Variants in NCAM1 observed in about 807,000 individuals in gnomAD.
NCAM1 encodes neural cell adhesion molecule 1.
A neutral mutation model predicts 109.8 loss-of-function variants in NCAM1; 14 were observed. The ratio of observed to expected loss-of-function variants is 0.13; its 90% CI spans 0.08 to 0.20. The LOEUF (loss-of-function observed/expected upper bound fraction) is 0.20, where lower values mean the gene tolerates loss of function less well. Among genes scored for constraint, NCAM1 ranks in the 10% least tolerant of loss-of-function variants. The pLI, the probability that NCAM1 is intolerant of heterozygous loss-of-function variation, is 1.00. For missense variants in NCAM1, 774 were observed against 1,109.9 expected (o/e 0.70, Z 4.30); for synonymous variants, 418 against 442.9 (o/e 0.94, Z 0.70).
At chr11:113,214,258 G>A (rs782727905) in intron 7 of NCAM1, 111 bp from the exon 8 acceptor site, 195 of 1,136,378 alleles carry the variant, frequency 1.7e-4, no homozygotes, top group Non-Finnish European at 2.3e-4. Flanking sequence ...ACCTAGACTA[G>A]GGTCTTGTAC....
At chr11:113,197,227 A>T in intron 1 of NCAM1, 2 of 244,598 alleles carry the variant, frequency 8.2e-6, no homozygotes, top group Admixed American at 3.9e-5. Flanking sequence ...GTGGGGACAC[A>T]GAGCCAAACT....
At chr11:113,253,354 G>A (rs1276331622) in intron 15 of NCAM1, among the ~76,000 whole-genome samples, 1 of 152,126 alleles carries the variant, frequency 6.6e-6, no homozygotes, top group East Asian at 1.9e-4. Context: ...CCTAAAATTG[G>A]CTGAAAGTCG....
At chr11:112,978,903 A>C (rs1951076222) in intron 1 of NCAM1, among the ~76,000 whole-genome samples, 1 of 151,834 alleles carries the variant, frequency 6.6e-6, no homozygotes, top group Non-Finnish European at 1.5e-5. Flanking sequence ...ACTGAGTTAA[A>C]AGGTTTCATA....
Position 113,276,705 on chromosome 11 carries a change from C to T in NCAM1, c.*1318C>T, listed in dbSNP as rs541042259. 1.3e-5 allele frequency: 2 copies of T among 152,556 alleles called. No homozygotes were observed. The highest frequency in any genetic ancestry group is 1.9e-4 in the East Asian group (1 of 5,172). 9.5% of individuals were successfully genotyped at this position (152,556 alleles called of 1,614,324 possible). A position where few individuals can be genotyped will look rare whatever the true frequency, so the allele number is the denominator to read the frequency against. ...GTTGAAGTAAAGTAACATCGGCCTTCTGTTCACTTAGGCAGCATTTATAGA... is the reference window on the plus strand; with the variant it reads ...GTTGAAGTAAAGTAACATCGGCCTTTTGTTCACTTAGGCAGCATTTATAGA... On this transcript the variant is annotated 3_prime_UTR_variant, in exon 20 of 20. Transcript: ENST00000316851.
intron 1 of NCAM1, among the ~76,000 whole-genome samples, chr11:112,990,693 G>C (rs1951437365): frequency 1.3e-5 from 2 of 152,122 alleles, no homozygotes; most frequent in Admixed American, 1.3e-4. Context: ...ATTTTTTCTG[G>C]GTCCCAGGGT....
At chr11:113,205,010 C>A (rs1944193382) in intron 3 of NCAM1, among the ~76,000 whole-genome samples, 1 of 152,166 alleles carries the variant, frequency 6.6e-6, no homozygotes, top group African/African-American at 2.4e-5. Flanking sequence ...TGGGTGACAG[C>A]TAATGGAACA....
intron 1 of NCAM1, among the ~76,000 whole-genome samples, chr11:113,195,842 A>G (rs1943838789): frequency 6.6e-6 from 1 of 151,766 alleles, no homozygotes; most frequent in Non-Finnish European, 1.5e-5. Context: ...TGAATTCAAT[A>G]GTATATAAGA....
chr11:113,176,388 A>G (rs1466788933), intron 1 of NCAM1, among the ~76,000 whole-genome samples: 1 of 152,250 alleles, frequency 6.6e-6, no homozygotes, highest in South Asian at 2.1e-4. Flanking sequence ...GTGGTGAAGC[A>G]TGAATATAAG....
At chr11:113,030,289 A>G (rs1204207377) in intron 1 of NCAM1, among the ~76,000 whole-genome samples, 1 of 152,192 alleles carries the variant, frequency 6.6e-6, no homozygotes, top group Admixed American at 6.5e-5. Flanking sequence ...CCTCCTGGCT[A>G]GGTATTTGAC....
chr11:113,129,216 T>C (rs944534556), intron 1 of NCAM1, among the ~76,000 whole-genome samples: 2 of 152,070 alleles, frequency 1.3e-5, no homozygotes, highest in Non-Finnish European at 2.9e-5. Context: ...GCCTCTCATT[T>C]CCCTAAGAGG....
At chr11:113,154,622 G>A (rs1240151559) in intron 1 of NCAM1, among the ~76,000 whole-genome samples, 1 of 152,094 alleles carries the variant, frequency 6.6e-6, no homozygotes, top group Non-Finnish European at 1.5e-5. Context: ...GTGTACTAGT[G>A]TCTATAGCTA....
chr11:113,012,408 A>T (rs1306525669), intron 1 of NCAM1, among the ~76,000 whole-genome samples: 3 of 152,148 alleles, frequency 2.0e-5, no homozygotes, highest in Non-Finnish European at 4.4e-5. Context: ...TCAGTGTTAA[A>T]TTTCCTGAAC....
intron 1 of NCAM1, among the ~76,000 whole-genome samples, chr11:113,192,856 C>CA (rs1385345432): frequency 1.3e-5 from 2 of 152,180 alleles, no homozygotes; most frequent in Non-Finnish European, 2.9e-5. Context: ...CTCTAACCTC[C>CA]TTTGTTAGTA....
chr11:113,156,795 AG>A (rs1479710496), intron 1 of NCAM1, among the ~76,000 whole-genome samples: 1 of 152,108 alleles, frequency 6.6e-6, no homozygotes, highest in Non-Finnish European at 1.5e-5. Context: ...GTAGAGAAGG[AG>A]GAACATATGG....
chr11:113,254,768 A>G (rs1945792742), intron 15 of NCAM1, among the ~76,000 whole-genome samples: 1 of 152,196 alleles, frequency 6.6e-6, no homozygotes, highest in Non-Finnish European at 1.5e-5. Flanking sequence ...CCCAGAAGGT[A>G]ACTGTTTTGT....
chr11:113,148,843 CGCTGCTTCTCTGCACA>C (rs1432013215), intron 1 of NCAM1, among the ~76,000 whole-genome samples: 6 of 152,230 alleles, frequency 3.9e-5, no homozygotes, highest in African/African-American at 1.2e-4. Context: ...CCCTCTGCTG[CGCTGCTTCTCTGCACA>C]GCCATATGAA....
In NCAM1 at chr11:113,023,810, G is replaced by A. The variant is rs563900157; in HGVS notation, c.52+62146G>A. ...GACATTCTTTTAAAATAGCCTTGCCGAAAACCTGAAAAGGACTCTAGCATT... is the reference window on the plus strand; with the variant it reads ...GACATTCTTTTAAAATAGCCTTGCCAAAAACCTGAAAAGGACTCTAGCATT... On this transcript the variant is annotated intron_variant, in intron 1 of 19. Coordinates refer to ENST00000316851, the MANE Select transcript of NCAM1 (RefSeq NM_181351.5). Among the ~76,000 whole-genome samples the A allele has an allele frequency of 1.3e-4, 20 of 151,886 alleles. No homozygotes were observed. In the East Asian group the frequency reaches 1.5e-3, roughly 12 times the overall value.
chr11:113,260,315 C>A lies in NCAM1; in HGVS notation c.2123C>A (p.Ala708Asp). 6.2e-7 allele frequency: 1 copy of A among 1,611,330 alleles called. No homozygotes were observed. Reference protein sequence around the residue: ...FVFRTSAQPTAIPANGSPTSG... With the variant: ...FVFRTSAQPTDIPANGSPTSG... ...TTCAGGACCTCGGCCCAGCCCACAG[C>A]CATCCCAGGTATGGCTGCCTCTGCT... The change falls in exon 17 of 20, where the codon GCC becomes GAC. Residue 708 changes from alanine to aspartate, a missense_variant. Transcript: ENST00000316851.
chr11:112,979,169 A>G (rs1951084224), intron 1 of NCAM1, among the ~76,000 whole-genome samples: 1 of 151,676 alleles, frequency 6.6e-6, no homozygotes, highest in Non-Finnish European at 1.5e-5. Flanking sequence ...GAACAGAAGT[A>G]GCCAAGAAGT....
Sources: allele counts gnomAD v4.1 joint callset (sites outside exome capture counted in the v4.1 genomes callset), GRCh38; gene constraint gnomAD v4.1.1; transcripts MANE v1.5; gene names NCBI Gene and HGNC (gene_info 2026-07-23, HGNC 2026-07-21).